AGBL2: variants seen among roughly 807,000 people sequenced by gnomAD.
The protein encoded by AGBL2 is AGBL carboxypeptidase 2.
AGBL2 carries 87 observed loss-of-function variants against 103.0 expected under a neutral mutation model. The ratio of observed to expected loss-of-function variants is 0.84; its 90% confidence interval spans 0.71 to 1.01. AGBL2 has a LOEUF of 1.01. Among genes scored for constraint, AGBL2 ranks in the 50% least tolerant of loss-of-function variants. The pLI, the probability that AGBL2 is intolerant of heterozygous loss-of-function variation, is 0.00. For missense variants in AGBL2, 904 were observed against 1,023.5 expected, an observed-to-expected ratio of 0.88 and a Z score of 1.59; for synonymous variants, 335 against 356.7, an observed-to-expected ratio of 0.94 and a Z score of 0.69.
At position 47,710,419 on chromosome 11, in the gene AGBL2, C is replaced by CTT; in HGVS notation, c.188_189dup (p.Asp64LysfsTer4). ...TGCAGGGTGTCTGGTATCAAATCATCTTTTTCCCCAAGAGAGCCATTCAAC... is the reference window on the plus strand; with the variant it reads ...TGCAGGGTGTCTGGTATCAAATCATCTTTTTTTCCCCAAGAGAGCCATTCAAC... On this transcript the variant is annotated frameshift_variant, in exon 4 of 19. Coordinates refer to ENST00000525123, the MANE Select transcript of AGBL2 (RefSeq NM_024783.4). LOFTEE classifies it high-confidence loss of function. 6.2e-7 allele frequency: 1 copy of CTT among 1,614,168 alleles called. No homozygotes were observed. Among genetic ancestry groups the CTT allele is most frequent in the Non-Finnish European group, 8.5e-7 (1 of 1,180,034 alleles).
chr11:47,710,251 G>T, intron 4 of AGBL2, 126 bp downstream of exon 4: 1 of 1,098,230 alleles, frequency 9.1e-7, no homozygotes, highest in Non-Finnish European at 1.3e-6. Context: ...AGTTTTGAAT[G>T]GTGTTAGAAA....
intron 4 of AGBL2, among the ~76,000 whole-genome samples, chr11:47,710,031 A>G (rs192996215): frequency 2.5e-3 from 378 of 151,610 alleles, no homozygotes; most frequent in Middle Eastern, 0.014. Context: ...TGAGATTACC[A>G]GTGTGTGTCA....
chr11:47,673,967 C>T (rs2097365868), intron 14 of AGBL2, among the ~76,000 whole-genome samples: 1 of 150,078 alleles, frequency 6.7e-6, no homozygotes, highest in African/African-American at 2.5e-5. Flanking sequence ...TGGTGGGCAC[C>T]TGTAATCCCA....
intron 3 of AGBL2, among the ~76,000 whole-genome samples, chr11:47,713,773 T>C (rs1275986787): frequency 1.3e-5 from 2 of 151,356 alleles, no homozygotes; most frequent in Non-Finnish European, 2.9e-5. Flanking sequence ...GTATTTTTAG[T>C]AGAGACGGGG....
intron 14 of AGBL2, among the ~76,000 whole-genome samples, chr11:47,675,501 G>A (rs1288992087): frequency 7.4e-6 from 1 of 136,034 alleles, no homozygotes; most frequent in Admixed American, 8.4e-5. Context: ...CCTCCCTCCC[G>A]CCTCAGCCTC....
At chr11:47,673,168 C>T (rs2097362481) in intron 14 of AGBL2, among the ~76,000 whole-genome samples, 3 of 152,282 alleles carry the variant, frequency 2.0e-5, no homozygotes, top group Middle Eastern at 3.4e-3. Flanking sequence ...GAACCTATCT[C>T]CTAGTAGAGG....
chr11:47,713,159 T>C lies in AGBL2; in HGVS notation c.97+1125A>G, dbSNP rs1389818599. The stretch of plus-strand genomic sequence containing the variant: ...GTTCAAGACCAGCCTGGCCAACATG[T>C]TGAAACCCCGTCTCTACTACAAATA... On this transcript the variant is annotated intron_variant, in intron 3 of 18. Coordinates refer to ENST00000525123, the MANE Select transcript of AGBL2 (RefSeq NM_024783.4). 1.3e-3 allele frequency among the ~76,000 whole-genome samples: 193 copies of C among 151,658 alleles called. 3 individuals are homozygous for C. The highest frequency in any genetic ancestry group is 1.3e-4 in the Non-Finnish European group (9 of 67,898).
At position 47,680,048 on chromosome 11, in the gene AGBL2, G is replaced by A; in HGVS notation, c.1941C>T (p.Thr647=). Residue 647 remains threonine (T), a synonymous_variant, in exon 13 of 19, where the codon ACC becomes ACT. Transcript: ENST00000525123. ...TLGNKRDTHF[T]IEDLKSLGYH... ...AACCTAAGGACTTCAGATCTTCGAT[G>A]GTAAAGTGGGTGTCTCTTTTATTAC... 6.2e-7 allele frequency: 1 copy of A among 1,609,972 alleles called. No individual in the cohort carries two copies. The highest frequency in any genetic ancestry group is 1.7e-4 in the Middle Eastern group (1 of 6,044).
At chr11:47,686,376 C>T (rs75044120) in intron 10 of AGBL2, among the ~76,000 whole-genome samples, 2,017 of 152,036 alleles carry the variant, frequency 0.013, 13 homozygotes, top group Non-Finnish European at 0.022. Context: ...TCAAGTCATC[C>T]GCCCACCTCA....
At chr11:47,675,430 G>GCTGA (rs916187339) in intron 14 of AGBL2, among the ~76,000 whole-genome samples, 2 of 133,454 alleles carry the variant, frequency 1.5e-5, no homozygotes, top group Middle Eastern at 4.7e-3. Flanking sequence ...TGTCACCCAG[G>GCTGA]CTGAAACGCA....
At position 47,667,557 on chromosome 11, in the gene AGBL2, C is replaced by T. The variant is rs1421798393; in HGVS notation, c.2340+14G>A. On this transcript the variant is annotated intron_variant, in intron 16 of 18. Transcript: ENST00000525123. ...GAAACTAGACAGTAGAAATAGCCAGCAAGTCTTTCTTACTGAGGTATCTTC... is the reference window on the plus strand; with the variant it reads ...GAAACTAGACAGTAGAAATAGCCAGTAAGTCTTTCTTACTGAGGTATCTTC... The T allele has an allele frequency of 6.2e-7, 1 of 1,612,522 alleles. No individual in the cohort carries two copies. The highest frequency in any genetic ancestry group is 2.2e-5 in the East Asian group (1 of 44,864).
At chr11:47,702,190 T>G (rs1267551615) in intron 7 of AGBL2, among the ~76,000 whole-genome samples, 2 of 152,118 alleles carry the variant, frequency 1.3e-5, no homozygotes, top group Non-Finnish European at 2.9e-5. Context: ...TACTTTTATT[T>G]TTTCCCTATA....
rs767458914 is a variant in AGBL2, at chr11:47,667,617, T to G, written c.2294A>C (p.Gln765Pro). The G allele has an allele frequency of 1.2e-6, 2 of 1,614,034 alleles. No homozygotes were observed. The highest frequency in any genetic ancestry group is 2.2e-5 in the South Asian group (2 of 91,078). ...QTRKQRNEQY[Q>P]KKNLMQKLKL... is the part of the protein sequence containing the mutation. ...TAACTTCTGCATCAAATTTTTTTTC[T>G]GATACTGCTCATTTCGCTGTTTCCT... The change falls in exon 16 of 19, where the codon CAG becomes CCG. Residue 765 changes from glutamine to proline, a missense_variant. Gln to Pro is a moderately conservative substitution (Grantham distance 76). Coordinates refer to ENST00000525123, the MANE Select transcript of AGBL2 (RefSeq NM_024783.4).
intron 7 of AGBL2, among the ~76,000 whole-genome samples, chr11:47,700,256 G>T (rs955423872): frequency 6.6e-6 from 1 of 152,014 alleles, no homozygotes; most frequent in Admixed American, 6.6e-5. Flanking sequence ...TGTGCCTAGC[G>T]AAGGCTTTTT....
intron 17 of AGBL2, among the ~76,000 whole-genome samples, chr11:47,664,262 T>G (rs987984555): frequency 3.3e-5 from 5 of 152,070 alleles, no homozygotes; most frequent in African/African-American, 1.2e-4. Context: ...TTTTTATTTT[T>G]TTGGGACAAA....
intron 3 of AGBL2, among the ~76,000 whole-genome samples, chr11:47,711,315 C>A (rs1197514588): frequency 6.6e-6 from 1 of 152,064 alleles, no homozygotes; most frequent in Non-Finnish European, 1.5e-5. Context: ...TGTCACGACA[C>A]CCAGATAGAC....
chr11:47,690,432 TAA>T lies in AGBL2; in HGVS notation c.1273_1274del (p.Leu425MetfsTer42), dbSNP rs1051257603. 39 of 1,614,144 alleles carry T rather than the reference TAA, an allele frequency of 2.4e-5. No homozygotes were observed. Among genetic ancestry groups the T allele is most frequent in the Non-Finnish European group, 3.3e-5 (39 of 1,180,016 alleles). ...CGGTATTTCCTGCTAGGCTCCTGCA[TAA>T]AGTTTGGAGCTTGCAGAACTGAGAC... ...IQSQFCKLQT[L>X]CRSLAGNTVY... On this transcript the variant is annotated frameshift_variant, in exon 10 of 19. Coordinates refer to ENST00000525123, the MANE Select transcript of AGBL2 (RefSeq NM_024783.4). LOFTEE classifies it high-confidence loss of function.
chr11:47,685,863 A>G (rs758225292), intron 11 of AGBL2, 30 bp downstream of exon 11: 1 of 1,605,534 alleles, frequency 6.2e-7, no homozygotes, highest in Non-Finnish European at 8.5e-7. Context: ...TCCCTAACTC[A>G]ATGGAGAGAA....
chr11:47,704,641 G>C lies in AGBL2; in HGVS notation c.488C>G (p.Pro163Arg), dbSNP rs2097511090. The C allele has an allele frequency of 6.2e-7, 1 of 1,613,924 alleles. No homozygotes were observed. The highest frequency in any genetic ancestry group is 8.5e-7 in the Non-Finnish European group (1 of 1,180,000). The change falls in exon 7 of 19, where the codon CCC becomes CGC. Residue 163 changes from proline to arginine, a missense_variant. By Grantham distance (103) the Pro-to-Arg change is moderately radical. Coordinates refer to ENST00000525123, the MANE Select transcript of AGBL2 (RefSeq NM_024783.4). ...AGACAAAATGGAAAAGAGCTCTTGG[G>C]GTTCTCGAAGACGTGGGTTTACTTC... ...LDEVNPRLRE[P>R]QELFSILSTK...
Sources: gnomAD v4.1 joint callset for allele counts (sites outside exome capture counted in the v4.1 genomes callset) on GRCh38, gnomAD v4.1.1 for gene constraint, MANE v1.5 for transcripts, NCBI Gene and HGNC (gene_info 2026-07-23, HGNC 2026-07-21) for gene names.